Variants in BNC2 observed in about 807,000 individuals in gnomAD.
The protein encoded by BNC2 is zinc finger protein basonuclin-2.
In BNC2, 20 loss-of-function variants were observed where a neutral mutation model predicts 76.3. That is an observed-to-expected ratio of 0.26 (90% CI 0.18 to 0.38). The LOEUF is 0.38. BNC2 is among the 10% of genes least tolerant of loss of function. BNC2 has a pLI of 1.00. For missense variants in BNC2, 1,382 were observed against 1,399.8 expected (o/e 0.99, Z 0.20); for synonymous variants, 582 against 514.8 (o/e 1.13, Z -1.77).
rs749503846 is a variant in BNC2, at chr9:16,552,653, C to T, written c.546G>A (p.Val182=). 2.5e-6 allele frequency: 4 copies of T among 1,614,218 alleles called. No individual in the cohort carries two copies. Among genetic ancestry groups the T allele is most frequent in the Middle Eastern group, 1.6e-4 (1 of 6,062 alleles). Residue 182 remains valine, a synonymous_variant, in exon 5 of 7, where the codon GTG becomes GTA. Coordinates refer to ENST00000380672, the MANE Select transcript of BNC2 (RefSeq NM_017637.6). ...CCAGCAGGATCTTTAGCCGCACAGGCACTGCTTGTGTCCCATAGAGCATCA... is the reference window on the plus strand; with the variant it reads ...CCAGCAGGATCTTTAGCCGCACAGGTACTGCTTGTGTCCCATAGAGCATCA... ...SSLMLYGTQA[V]PVRLKILLDR...
At chr9:16,643,095 T>C (rs191743971) in intron 3 of BNC2, among the ~76,000 whole-genome samples, 34 of 152,252 alleles carry the variant, frequency 2.2e-4, no homozygotes, top group South Asian at 1.5e-3. Context: ...AGATGAATAA[T>C]GATCACAGAC....
chr9:16,591,039 C>T (rs143296604), intron 3 of BNC2, among the ~76,000 whole-genome samples: 5 of 152,282 alleles, frequency 3.3e-5, no homozygotes, highest in African/African-American at 1.2e-4. Context: ...GACAGTACTT[C>T]AAACATTGCC....
chr9:16,554,609 C>A (rs1475988351), intron 4 of BNC2, among the ~76,000 whole-genome samples: 1 of 152,170 alleles, frequency 6.6e-6, no homozygotes, highest in Non-Finnish European at 1.5e-5. Context: ...TTCTCTCACT[C>A]CACAGGGCAT....
intron 3 of BNC2, chr9:16,727,125 C>CGGCGGGCG (rs1356670346): frequency 2.0e-5 from 3 of 153,034 alleles, no homozygotes; most frequent in East Asian, 1.9e-4. Context: ...GCCGGCGGGC[C>CGGCGGGCG]GGCGGGCGGG....
At chr9:16,688,312 T>C (rs983209344) in intron 3 of BNC2, among the ~76,000 whole-genome samples, 1 of 152,162 alleles carries the variant, frequency 6.6e-6, no homozygotes, top group Non-Finnish European at 1.5e-5. Flanking sequence ...ATTTAGCACA[T>C]CTCATTCCAC....
At chr9:16,637,873 G>A (rs576720219) in intron 3 of BNC2, among the ~76,000 whole-genome samples, 29 of 152,336 alleles carry the variant, frequency 1.9e-4, no homozygotes, top group Admixed American at 1.7e-3. Flanking sequence ...AATGCGAACA[G>A]TATTGTGGTG....
intron 3 of BNC2, among the ~76,000 whole-genome samples, chr9:16,597,567 A>G (rs1820128191): frequency 6.6e-6 from 1 of 152,166 alleles, no homozygotes; most frequent in Non-Finnish European, 1.5e-5. Flanking sequence ...AGGTTACAAT[A>G]GAAATGTTTT....
intron 1 of BNC2, among the ~76,000 whole-genome samples, chr9:16,827,984 A>G (rs1386324110): frequency 6.6e-6 from 1 of 152,204 alleles, no homozygotes; most frequent in South Asian, 2.1e-4. Context: ...TACCTTATAT[A>G]TCCATTATAA....
intron 1 of BNC2, among the ~76,000 whole-genome samples, chr9:16,866,714 T>C (rs1819554117): frequency 6.6e-6 from 1 of 150,424 alleles, no homozygotes; most frequent in African/African-American, 2.4e-5. Context: ...GCCTCAACAC[T>C]GAGCCAGTAT....
chr9:16,647,306 T>C (rs1050173142), intron 3 of BNC2, among the ~76,000 whole-genome samples: 14 of 152,086 alleles, frequency 9.2e-5, no homozygotes, highest in Non-Finnish European at 2.9e-5. Context: ...TGGAATCTTA[T>C]GTCAAGTCTG....
At chr9:16,565,410 A>G (rs1200101437) in intron 4 of BNC2, among the ~76,000 whole-genome samples, 1 of 152,212 alleles carries the variant, frequency 6.6e-6, no homozygotes, top group Admixed American at 6.5e-5. Flanking sequence ...TGGTCACTAA[A>G]TGTGTATTTC....
chr9:16,812,507 T>C (rs1260005905), intron 1 of BNC2, among the ~76,000 whole-genome samples: 1 of 152,178 alleles, frequency 6.6e-6, no homozygotes, highest in East Asian at 1.9e-4. Context: ...CTGCCTGCAG[T>C]TTGTCACCTC....
At chr9:16,483,418 T>C (rs1000890144) in intron 5 of BNC2, among the ~76,000 whole-genome samples, 6 of 152,350 alleles carry the variant, frequency 3.9e-5, no homozygotes, top group Non-Finnish European at 7.3e-5. Context: ...TGGTTTTGGC[T>C]GCAGGTGGGC....
chr9:16,698,086 G>A (rs950888797), intron 3 of BNC2, among the ~76,000 whole-genome samples: 1 of 152,130 alleles, frequency 6.6e-6, no homozygotes, highest in African/African-American at 2.4e-5. Flanking sequence ...ATAGAGCCCT[G>A]CCTATTCCTT....
intron 3 of BNC2, among the ~76,000 whole-genome samples, chr9:16,695,627 G>A (rs995979501): frequency 5.3e-5 from 8 of 149,798 alleles, no homozygotes; most frequent in South Asian, 2.1e-4. Flanking sequence ...CTCCTGCTGC[G>A]GCCTCCCAAA....
intron 3 of BNC2, among the ~76,000 whole-genome samples, chr9:16,658,599 TAAC>T (rs1822002034): frequency 6.6e-6 from 1 of 152,272 alleles, no homozygotes; most frequent in Non-Finnish European, 1.5e-5. Context: ...GTCAAATTCT[TAAC>T]AATTCTCTTA....
chr9:16,849,540 G>A (rs1243175229), intron 1 of BNC2, among the ~76,000 whole-genome samples: 1 of 151,768 alleles, frequency 6.6e-6, no homozygotes, highest in African/African-American at 2.4e-5. Context: ...TGTATTTTTA[G>A]TAGAGATGGG....
intron 1 of BNC2, among the ~76,000 whole-genome samples, chr9:16,826,413 C>A (rs1442939481): frequency 2.0e-5 from 3 of 152,100 alleles, no homozygotes; most frequent in African/African-American, 7.2e-5. Context: ...CATTTCACAA[C>A]TGAGAAAACC....
chr9:16,863,568 G>A (rs755374813), intron 1 of BNC2, among the ~76,000 whole-genome samples: 5 of 152,114 alleles, frequency 3.3e-5, no homozygotes, highest in African/African-American at 7.2e-5. Context: ...AGTGGCGCAC[G>A]CTTGTAGTCC....
Sources: allele counts gnomAD v4.1 joint callset (sites outside exome capture counted in the v4.1 genomes callset), GRCh38; gene constraint gnomAD v4.1.1; transcripts MANE v1.5; gene names NCBI Gene and HGNC (gene_info 2026-07-23, HGNC 2026-07-21).